The following ESRRB variants were observed in gnomAD, a reference collection of about 807,000 sequenced individuals.
The protein encoded by ESRRB is steroid hormone receptor ERR2.
ESRRB carries 16 observed loss-of-function variants against 46.0 expected under a neutral mutation model. That is an observed-to-expected ratio of 0.35 (90% CI 0.24 to 0.53). ESRRB has a LOEUF of 0.53. Ranked by LOEUF, ESRRB falls within the 20% of genes least tolerant of loss-of-function variation. The probability of loss-of-function intolerance (pLI) is 0.93; values close to 1 mark genes in which losing one functional copy is unlikely to be tolerated. For missense variants in ESRRB, 488 were observed against 607.4 expected (o/e 0.80, Z 2.07); for synonymous variants, 246 against 259.6 (o/e 0.95, Z 0.50).
chr14:76,377,723 G>T (rs2139792564), intron 1 of ESRRB, among the ~76,000 whole-genome samples: 1 of 152,174 alleles, frequency 6.6e-6, no homozygotes, highest in African/African-American at 2.4e-5. Flanking sequence ...GGATCATGTG[G>T]GGTCCCAGGA....
At chr14:76,473,629 C>T (rs978294953) in intron 3 of ESRRB, among the ~76,000 whole-genome samples, 3 of 152,192 alleles carry the variant, frequency 2.0e-5, no homozygotes, top group Non-Finnish European at 2.9e-5. Flanking sequence ...CCTGCACACT[C>T]GGCTATTTTT....
At chr14:76,467,518 A>T (rs1426733884) in intron 3 of ESRRB, among the ~76,000 whole-genome samples, 2 of 151,610 alleles carry the variant, frequency 1.3e-5, no homozygotes, top group African/African-American at 4.9e-5. Flanking sequence ...AAAAAAAAAA[A>T]AAAATTCTAG....
intron 1 of ESRRB, among the ~76,000 whole-genome samples, chr14:76,361,675 T>C (rs1884465859): frequency 6.6e-6 from 1 of 152,178 alleles, no homozygotes; most frequent in African/African-American, 2.4e-5. Context: ...ACTGTGAAAC[T>C]CCATGTCTGA....
chr14:76,399,742 T>C (rs1162878818), intron 1 of ESRRB, among the ~76,000 whole-genome samples: 4 of 152,162 alleles, frequency 2.6e-5, no homozygotes, highest in Non-Finnish European at 5.9e-5. Flanking sequence ...CCAGCATCAC[T>C]GGGAATTGGG....
At chr14:76,458,898 G>A (rs113682296) in intron 2 of ESRRB, among the ~76,000 whole-genome samples, 85 of 146,712 alleles carry the variant, frequency 5.8e-4, no homozygotes, top group African/African-American at 2.1e-3. Flanking sequence ...AGGCTGGAGT[G>A]CAGTGGCGCG....
At chr14:76,357,495 T>C (rs112879704) in intron 1 of ESRRB, among the ~76,000 whole-genome samples, 43 of 152,332 alleles carry the variant, frequency 2.8e-4, no homozygotes, top group African/African-American at 1.0e-3. Context: ...TCATTTTCTT[T>C]CTTTTATGTA....
chr14:76,464,360 C>G (rs1037109499), intron 3 of ESRRB, among the ~76,000 whole-genome samples: 7 of 152,208 alleles, frequency 4.6e-5, no homozygotes, highest in African/African-American at 1.7e-4. Context: ...AGACCTAAGA[C>G]GCTTTGTCAA....
chr14:76,469,926 GTTGTTTTTTTTTTTTTTCTTTTT>G (rs1364093134), intron 3 of ESRRB, among the ~76,000 whole-genome samples: 7 of 67,650 alleles, frequency 1.0e-4, no homozygotes, highest in African/African-American at 2.5e-4. Context: ...TGTGTTTTTT[GTTGTTTTTTTTTTTTTTCTTTTT>G]TTTTTTTTTT....
Position 76,422,304 on chromosome 14 carries a change from G to A in ESRRB, c.51-17037G>A, listed in dbSNP as rs191110002. ...CAGCTCACTGCAACCTCCGCCTCCC[G>A]GGTTCAAGCGATTCTCCTGCCTCAG... On this transcript the variant is annotated intron_variant, in intron 1 of 6. Transcript: ENST00000644823. 6.0e-5 allele frequency among the ~76,000 whole-genome samples: 9 copies of A among 148,978 alleles called. No homozygotes were observed. The East Asian group carries it at 1.0e-3, about 17-fold the overall frequency.
rs572206860 is a variant in ESRRB, at chr14:76,439,273, C to T, written c.51-68C>T. The stretch of plus-strand genomic sequence containing the variant: ...GAGCCCTTCCCAGCCACCCTACCTG[C>T]GGGGCTGGACCCGCCCACCACACCC... On this transcript the variant is annotated intron_variant, in intron 1 of 6. Transcript: ENST00000644823. 9 of 1,565,316 alleles carry T rather than the reference C, an allele frequency of 5.7e-6. No homozygotes were observed. The Admixed American group carries it at 6.7e-5, about 12-fold the overall frequency.
intron 1 of ESRRB, among the ~76,000 whole-genome samples, chr14:76,411,711 T>G (rs1207834089): frequency 6.6e-6 from 1 of 152,164 alleles, no homozygotes; most frequent in East Asian, 1.9e-4. Flanking sequence ...GAGGGTTCTT[T>G]GGAGGGTGGA....
intron 1 of ESRRB, among the ~76,000 whole-genome samples, chr14:76,330,550 T>C (rs1231188399): frequency 6.6e-6 from 1 of 152,140 alleles, no homozygotes; most frequent in African/African-American, 2.4e-5. Flanking sequence ...CCCTGACCAC[T>C]TCCTGGAGTA....
intron 1 of ESRRB, among the ~76,000 whole-genome samples, chr14:76,329,914 C>A (rs966618363): frequency 7.1e-6 from 1 of 140,292 alleles, no homozygotes; most frequent in African/African-American, 2.6e-5. Context: ...AGTAAGCGGG[C>A]TGGCTAATTC....
chr14:76,312,609 G>C (rs541577897), intron 1 of ESRRB, among the ~76,000 whole-genome samples: 1 of 151,456 alleles, frequency 6.6e-6, no homozygotes, highest in South Asian at 2.1e-4. Context: ...TCCAGAGGGG[G>C]ACAAACGCCA....
At position 76,482,227 on chromosome 14, in the gene ESRRB, A is replaced by C; in HGVS notation, c.688+101A>C. On this transcript the variant is annotated intron_variant, in intron 4 of 6. Transcript: ENST00000644823. This position sits in a 1 kb window ranked among gnomAD's most constrained non-coding sequence, Gnocchi z 4.3. ...CATCTTCCCACCACTGGGTCATGAG[A>C]CAATGTGGATCTTGGGGAGGTGACA... 1 of 897,052 alleles carries C rather than the reference A, an allele frequency of 1.1e-6. No individual in the cohort carries two copies. The highest frequency in any genetic ancestry group is 1.8e-6 in the Non-Finnish European group (1 of 550,148). 55.6% of individuals were successfully genotyped at this position (897,052 alleles called of 1,614,324 possible). A position where few individuals can be genotyped will look rare whatever the true frequency, so the allele number is the denominator to read the frequency against.
At chr14:76,428,547 T>C (rs1003224979) in intron 1 of ESRRB, among the ~76,000 whole-genome samples, 7 of 152,170 alleles carry the variant, frequency 4.6e-5, no homozygotes, top group East Asian at 3.9e-4. Context: ...CCAGGTACCA[T>C]TGGGCCCTGC....
chr14:76,422,857 C>G (rs1186226183), intron 1 of ESRRB, among the ~76,000 whole-genome samples: 2 of 152,194 alleles, frequency 1.3e-5, no homozygotes, highest in African/African-American at 4.8e-5. Context: ...TGTCAGTTCC[C>G]TCTCTCAAGG....
At chr14:76,460,707 A>C (rs1216211106) in intron 2 of ESRRB, among the ~76,000 whole-genome samples, 1 of 111,480 alleles carries the variant, frequency 9.0e-6, no homozygotes, top group Non-Finnish European at 1.8e-5. Context: ...CGTTCCAGTT[A>C]CATTTTTTTT....
Position 76,482,188 on chromosome 14 carries a change from C to T in ESRRB, c.688+62C>T. ...ATCTGTACCTGGAACATCAGGCATCCCTTAGGGAAACATCATCTTCCCACC... is the reference window on the plus strand; with the variant it reads ...ATCTGTACCTGGAACATCAGGCATCTCTTAGGGAAACATCATCTTCCCACC... On this transcript the variant is annotated intron_variant, in intron 4 of 6. Coordinates refer to ENST00000644823, the MANE Select transcript of ESRRB (RefSeq NM_001379180.1). This position sits in a 1 kb window ranked among gnomAD's most constrained non-coding sequence, Gnocchi z 4.3. 8.0e-7 allele frequency: 1 copy of T among 1,257,564 alleles called. No individual in the cohort carries two copies. The highest frequency in any genetic ancestry group is 1.2e-6 in the Non-Finnish European group (1 of 859,736). 77.9% of individuals were successfully genotyped at this position (1,257,564 alleles called of 1,614,324 possible). A position where few individuals can be genotyped will look rare whatever the true frequency, so the allele number is the denominator to read the frequency against.
Sources: allele counts gnomAD v4.1 joint callset (sites outside exome capture counted in the v4.1 genomes callset), GRCh38; gene constraint gnomAD v4.1.1; non-coding constraint Gnocchi (gnomAD v3.1); transcripts MANE v1.5; gene names NCBI Gene and HGNC (gene_info 2026-07-23, HGNC 2026-07-21).